CRYL1: variants seen among roughly 807,000 people sequenced by gnomAD.
The protein encoded by CRYL1 is crystallin lambda 1.
In CRYL1, 29 loss-of-function variants were observed where a neutral mutation model predicts 36.6. The ratio of observed to expected loss-of-function variants is 0.79; its 90% CI spans 0.59 to 1.08. The LOEUF (loss-of-function observed/expected upper bound fraction) is 1.08. Among genes scored for constraint, CRYL1 ranks in the 50% least tolerant of loss-of-function variants. The pLI, the probability that CRYL1 is intolerant of heterozygous loss-of-function variation, is 0.00. For missense variants in CRYL1, 411 were observed against 407.9 expected (o/e 1.01, Z -0.06); for synonymous variants, 152 against 151.5 (o/e 1.00, Z -0.02).
intron 1 of CRYL1, chr13:20,513,715 A>T (rs1287384705): frequency 6.6e-6 from 1 of 152,184 alleles, no homozygotes; most frequent in Non-Finnish European, 1.5e-5. Flanking sequence ...AGTCATAAAG[A>T]GTTCACATGG....
intron 5 of CRYL1, among the ~76,000 whole-genome samples, chr13:20,423,370 T>C (rs1429425922): frequency 6.6e-6 from 1 of 152,204 alleles, no homozygotes; most frequent in Non-Finnish European, 1.5e-5. Flanking sequence ...GCCTTCAACT[T>C]TTCACCATTG....
chr13:20,470,106 C>T (rs2033023184), intron 3 of CRYL1, among the ~76,000 whole-genome samples: 1 of 152,190 alleles, frequency 6.6e-6, no homozygotes, highest in African/African-American at 2.4e-5. Context: ...CTCAAATATC[C>T]CAAGACCAGC....
chr13:20,412,729 C>T (rs1168514316), intron 6 of CRYL1, among the ~76,000 whole-genome samples: 2 of 152,108 alleles, frequency 1.3e-5, no homozygotes, highest in East Asian at 1.9e-4. Flanking sequence ...AGACCTAATT[C>T]CCCCCAAGCC....
chr13:20,440,122 A>T (rs972626085), intron 3 of CRYL1, among the ~76,000 whole-genome samples: 4 of 152,236 alleles, frequency 2.6e-5, no homozygotes, highest in African/African-American at 9.6e-5. Context: ...CTCCAGTTTC[A>T]TGCCAGCTAG....
chr13:20,463,116 G>C (rs2032865169), intron 3 of CRYL1, among the ~76,000 whole-genome samples: 1 of 152,184 alleles, frequency 6.6e-6, no homozygotes, highest in African/African-American at 2.4e-5. Flanking sequence ...CTGCTGGCCT[G>C]CTCCCACCCG....
chr13:20,437,643 GAA>G (rs1331185836), intron 4 of CRYL1, among the ~76,000 whole-genome samples: 2 of 152,154 alleles, frequency 1.3e-5, no homozygotes, highest in Non-Finnish European at 2.9e-5. Flanking sequence ...TAGTGGGATG[GAA>G]AAAGAGTAGG....
Position 20,479,964 on chromosome 13 carries a change from A to C in CRYL1, c.276+9406T>G, listed in dbSNP as rs2033243338. Among the ~76,000 whole-genome samples the C allele has an allele frequency of 2.0e-5, 3 of 152,364 alleles. No individual in the cohort carries two copies. The South Asian group carries it at 6.2e-4, about 32-fold the overall frequency. Reference sequence around the variant, plus strand: ...CTGTTACCAAGAACTACATTTTCCTACACTGCTGCAAGAACACACCAGGTG... The same window carrying C: ...CTGTTACCAAGAACTACATTTTCCTCCACTGCTGCAAGAACACACCAGGTG... On this transcript the variant is annotated intron_variant, in intron 3 of 7. Coordinates refer to ENST00000298248, the MANE Select transcript of CRYL1 (RefSeq NM_015974.3).
At chr13:20,483,734 T>G (rs554977166) in intron 3 of CRYL1, among the ~76,000 whole-genome samples, 1 of 151,916 alleles carries the variant, frequency 6.6e-6, no homozygotes, top group African/African-American at 2.4e-5. Flanking sequence ...AGAGACGGGG[T>G]TTCACCATGT....
intron 6 of CRYL1, among the ~76,000 whole-genome samples, chr13:20,409,086 C>T (rs1593425259): frequency 6.6e-6 from 1 of 152,150 alleles, no homozygotes; most frequent in African/African-American, 2.4e-5. Context: ...ATCACACTAC[C>T]TGACTTCAAG....
At chr13:20,409,502 C>A (rs1261459948) in intron 6 of CRYL1, among the ~76,000 whole-genome samples, 4 of 150,404 alleles carry the variant, frequency 2.7e-5, no homozygotes, top group Admixed American at 6.6e-5. Flanking sequence ...ACACCAAAAG[C>A]AATGGCAACA....
At chr13:20,479,013 C>T (rs1261175741) in intron 3 of CRYL1, among the ~76,000 whole-genome samples, 4 of 152,024 alleles carry the variant, frequency 2.6e-5, no homozygotes, top group Non-Finnish European at 5.9e-5. Flanking sequence ...CCCCCGACCT[C>T]GGCCTCCCCA....
intron 3 of CRYL1, among the ~76,000 whole-genome samples, chr13:20,455,313 T>G (rs1334961687): frequency 3.9e-5 from 6 of 152,010 alleles, no homozygotes; most frequent in African/African-American, 1.4e-4. Flanking sequence ...ACCATAATCA[T>G]GAATTGGAAA....
intron 5 of CRYL1, chr13:20,431,288 C>T (rs1197268246): frequency 1.0e-6 from 1 of 985,324 alleles, no homozygotes; most frequent in Non-Finnish European, 1.2e-6. Context: ...GTGCAGATGA[C>T]TCGAGCCCGA....
At chr13:20,501,118 C>A (rs964194523) in intron 2 of CRYL1, among the ~76,000 whole-genome samples, 1 of 152,216 alleles carries the variant, frequency 6.6e-6, no homozygotes, top group African/African-American at 2.4e-5. Flanking sequence ...ACTCCCATCT[C>A]CTTGGCTGCA....
At chr13:20,454,095 A>C (rs1371244877) in intron 3 of CRYL1, among the ~76,000 whole-genome samples, 1 of 152,218 alleles carries the variant, frequency 6.6e-6, no homozygotes, top group Non-Finnish European at 1.5e-5. Flanking sequence ...AATCTTTACA[A>C]TCTCTTTCAG....
At chr13:20,478,704 T>C (rs549328329) in intron 3 of CRYL1, among the ~76,000 whole-genome samples, 2 of 152,292 alleles carry the variant, frequency 1.3e-5, no homozygotes, top group East Asian at 3.9e-4. Context: ...CTCGAACTCC[T>C]GAGCTCAAGC....
chr13:20,525,795 G>A lies in CRYL1; in HGVS notation c.-1C>T, dbSNP rs140651902. 735 of 1,262,648 alleles carry A rather than the reference G, an allele frequency of 5.8e-4. 3 individuals carry two copies. In the African/African-American group the frequency reaches 0.01, roughly 18 times the overall value. 78.2% of individuals were successfully genotyped at this position (1,262,648 alleles called of 1,614,324 possible). ...CGCAGCCGGCCGCGGAGGACGCCATGGTTGGGCCGGGGACGCGGCGCCGCG... is the reference window on the plus strand; with the variant it reads ...CGCAGCCGGCCGCGGAGGACGCCATAGTTGGGCCGGGGACGCGGCGCCGCG... On this transcript the variant is annotated 5_prime_UTR_variant, in exon 1 of 8. Transcript: ENST00000298248. This position sits in a 1 kb window ranked among gnomAD's most constrained non-coding sequence, Gnocchi z 4.3.
At chr13:20,449,285 A>G (rs1371936756) in intron 3 of CRYL1, among the ~76,000 whole-genome samples, 2 of 152,242 alleles carry the variant, frequency 1.3e-5, no homozygotes, top group Non-Finnish European at 2.9e-5. Context: ...TGTAAAAGTA[A>G]AGGGACAACA....
intron 3 of CRYL1, among the ~76,000 whole-genome samples, chr13:20,484,330 C>T (rs570122163): frequency 2.6e-5 from 4 of 152,234 alleles, no homozygotes; most frequent in East Asian, 1.9e-4. Context: ...GGTTGCAGCC[C>T]GGCAGAGGCT....
Sources: gnomAD v4.1 joint callset for allele counts (sites outside exome capture counted in the v4.1 genomes callset) on GRCh38, gnomAD v4.1.1 for gene constraint, Gnocchi (gnomAD v3.1) non-coding constraint, MANE v1.5 for transcripts, NCBI Gene and HGNC (gene_info 2026-07-23, HGNC 2026-07-21) for gene names.